The following FGF12 variants were observed in gnomAD, a reference collection of about 807,000 sequenced individuals.
The protein encoded by FGF12 is fibroblast growth factor 12B.
FGF12 carries 14 observed loss-of-function variants against 23.6 expected under a neutral mutation model. That is an observed-to-expected ratio of 0.59 (90% CI 0.39 to 0.93). The LOEUF (loss-of-function observed/expected upper bound fraction) is 0.93, where lower values mean the gene tolerates loss of function less well. FGF12 is among the 40% of genes least tolerant of loss of function. The pLI is 0.00. For missense variants in FGF12, 175 were observed against 217.8 expected (o/e 0.80, Z 1.24); for synonymous variants, 62 against 77.3 (o/e 0.80, Z 1.04).
At chr3:192,564,695 T>C (rs549446600) in intron 2 of FGF12, among the ~76,000 whole-genome samples, 3 of 152,324 alleles carry the variant, frequency 2.0e-5, no homozygotes, top group African/African-American at 7.2e-5. Flanking sequence ...AAATGGGCTA[T>C]AGCAAGTTGA....
At chr3:192,253,629 T>C (rs1048392416) in intron 4 of FGF12, among the ~76,000 whole-genome samples, 9 of 152,112 alleles carry the variant, frequency 5.9e-5, no homozygotes, top group Admixed American at 1.3e-4. Context: ...TGGCTAAAGT[T>C]TGTGGTTTGG....
At position 192,140,901 on chromosome 3, in the gene FGF12, G is replaced by A. The variant is rs1393839582; in HGVS notation, c.*3108C>T. 1 of 151,818 alleles carries A rather than the reference G, an allele frequency of 6.6e-6. No individual in the cohort carries two copies. Among genetic ancestry groups the A allele is most frequent in the Non-Finnish European group, 1.5e-5 (1 of 67,822 alleles). 9.4% of individuals were successfully genotyped at this position (151,818 alleles called of 1,614,324 possible). Reference sequence around the variant, plus strand: ...AGCAAATGGAACTTCAGCTCCATTTGTTTCTATACTTTATTCTGCGAGCTT... The same window carrying A: ...AGCAAATGGAACTTCAGCTCCATTTATTTCTATACTTTATTCTGCGAGCTT... On this transcript the variant is annotated 3_prime_UTR_variant, in exon 6 of 6. Transcript: ENST00000445105.
At chr3:192,159,740 G>A (rs1169892888) in intron 5 of FGF12, among the ~76,000 whole-genome samples, 1 of 152,160 alleles carries the variant, frequency 6.6e-6, no homozygotes, top group Admixed American at 6.5e-5. Flanking sequence ...AGACATGTTT[G>A]TTTGTCACCA....
At position 192,589,131 on chromosome 3, in the gene FGF12, T is replaced by C. The variant is rs554567447; in HGVS notation, c.13+138050A>G. Among the ~76,000 whole-genome samples, 52 of 151,770 alleles carry C rather than the reference T, an allele frequency of 3.4e-4. 2 individuals are homozygous for C. Among genetic ancestry groups the C allele is most frequent in the Admixed American group, 5.3e-4 (8 of 15,226 alleles). On this transcript the variant is annotated intron_variant, in intron 2 of 5. Coordinates refer to ENST00000445105, the MANE Select transcript of FGF12 (RefSeq NM_004113.6). ...GCAGGTGGATCACAAGGTCAAGAGA[T>C]GGAGACCATCCTGGCCAACATAGTG...
intron 5 of FGF12, among the ~76,000 whole-genome samples, chr3:192,157,552 T>A (rs6800953): frequency 6.6e-6 from 1 of 152,016 alleles, no homozygotes. Context: ...ATTCTTTTCA[T>A]GGGTGCCTGT....
intron 2 of FGF12, among the ~76,000 whole-genome samples, chr3:192,714,380 T>C (rs909973764): frequency 3.3e-5 from 5 of 152,050 alleles, no homozygotes; most frequent in Non-Finnish European, 5.9e-5. Flanking sequence ...CTGAAGTGAG[T>C]CTTCATATAT....
intron 2 of FGF12, among the ~76,000 whole-genome samples, chr3:192,394,425 T>C (rs1288082200): frequency 6.6e-6 from 1 of 152,206 alleles, no homozygotes; most frequent in Non-Finnish European, 1.5e-5. Context: ...TGTCAAACCT[T>C]CTAGAACTTC....
At chr3:192,350,549 C>T (rs1384351174) in intron 3 of FGF12, among the ~76,000 whole-genome samples, 3 of 151,988 alleles carry the variant, frequency 2.0e-5, no homozygotes, top group Non-Finnish European at 4.4e-5. Flanking sequence ...AAAAGGCTTC[C>T]CTTTTGAGTG....
At chr3:192,521,994 T>C (rs975659401) in intron 2 of FGF12, among the ~76,000 whole-genome samples, 9 of 152,096 alleles carry the variant, frequency 5.9e-5, no homozygotes. Context: ...GTCAGGAGAT[T>C]GAGACCATCC....
chr3:192,297,893 T>G (rs762806039), intron 4 of FGF12, among the ~76,000 whole-genome samples: 2 of 152,222 alleles, frequency 1.3e-5, no homozygotes, highest in Non-Finnish European at 2.9e-5. Flanking sequence ...AGCTCACTTC[T>G]GTACTCCAAC....
At chr3:192,169,277 GC>G in intron 5 of FGF12, among the ~76,000 whole-genome samples, 1 of 152,232 alleles carries the variant, frequency 6.6e-6, no homozygotes. Context: ...GGGGGCAGAG[GC>G]TGCAGTGAGC....
chr3:192,465,528 G>GC (rs1166334183), intron 2 of FGF12, among the ~76,000 whole-genome samples: 1 of 152,174 alleles, frequency 6.6e-6, no homozygotes, highest in African/African-American at 2.4e-5. Context: ...TGAAAGGTTG[G>GC]CCCTGGGCTG....
chr3:192,193,565 C>A (rs1716911409), intron 4 of FGF12, among the ~76,000 whole-genome samples: 1 of 152,184 alleles, frequency 6.6e-6, no homozygotes, highest in Admixed American at 6.5e-5. Flanking sequence ...ACCAAACATA[C>A]CTCTTCTCTT....
intron 2 of FGF12, among the ~76,000 whole-genome samples, chr3:192,600,322 T>C (rs1225724188): frequency 1.3e-5 from 2 of 152,124 alleles, no homozygotes; most frequent in Non-Finnish European, 2.9e-5. Context: ...AGTCTGGTAG[T>C]GTGATGCCTT....
chr3:192,460,609 C>A (rs1722831589), intron 2 of FGF12, among the ~76,000 whole-genome samples: 2 of 151,704 alleles, frequency 1.3e-5, no homozygotes, highest in East Asian at 1.9e-4. Context: ...TCCACACTCA[C>A]CCCTTTACAA....
chr3:192,676,423 G>A (rs1348392056), intron 2 of FGF12, among the ~76,000 whole-genome samples: 2 of 152,182 alleles, frequency 1.3e-5, no homozygotes, highest in African/African-American at 4.8e-5. Context: ...GCAAATTAGT[G>A]GTAGAGCTGG....
intron 2 of FGF12, among the ~76,000 whole-genome samples, chr3:192,679,270 C>T (rs117971835): frequency 0.012 from 1,830 of 152,176 alleles, 137 homozygotes; most frequent in Admixed American, 0.11. Flanking sequence ...GGAGTTGACA[C>T]GAAAGATAAG....
chr3:192,209,301 T>C (rs1255035666), intron 4 of FGF12, among the ~76,000 whole-genome samples: 1 of 152,186 alleles, frequency 6.6e-6, no homozygotes, highest in Non-Finnish European at 1.5e-5. Context: ...AGCAGCCATC[T>C]TGAATCAAGA....
intron 2 of FGF12, among the ~76,000 whole-genome samples, chr3:192,715,397 A>T (rs922642371): frequency 3.3e-5 from 5 of 152,248 alleles, no homozygotes; most frequent in African/African-American, 1.2e-4. Flanking sequence ...GAATGAACTA[A>T]GCAATCCATT....
Sources: allele counts gnomAD v4.1 joint callset (sites outside exome capture counted in the v4.1 genomes callset), GRCh38; gene constraint gnomAD v4.1.1; transcripts MANE v1.5; gene names NCBI Gene and HGNC (gene_info 2026-07-23, HGNC 2026-07-21).